LNPEP: variants seen among roughly 807,000 people sequenced by gnomAD.
LNPEP encodes leucyl and cystinyl aminopeptidase.
Under a neutral mutation model 120.6 loss-of-function variants are expected in LNPEP, and 64 were observed. The observed-to-expected ratio is 0.53, with a 90% CI of 0.43 to 0.65. LNPEP has a LOEUF of 0.65. Ranked by LOEUF, LNPEP falls within the 30% of genes least tolerant of loss-of-function variation. LNPEP has a pLI of 0.00. For missense variants in LNPEP, 1,057 were observed against 1,200.0 expected (o/e 0.88, Z 1.76); for synonymous variants, 435 against 425.4 (o/e 1.02, Z -0.28).
intron 16 of LNPEP, 72 bp downstream of exon 16, chr5:97,026,829 T>C: frequency 7.5e-7 from 1 of 1,337,904 alleles, no homozygotes; most frequent in Non-Finnish European, 1.0e-6. Context: ...CCCAGTGTTT[T>C]GGCTCACAGA....
At position 96,962,259 on chromosome 5, in the gene LNPEP, TA is replaced by T. The variant is rs1406770186; in HGVS notation, c.20-16876del. On this transcript the variant is annotated intron_variant, in intron 1 of 17. Transcript: ENST00000231368. ...TTATACCCAAAGTCTAAAAGGGTGT[TA>T]AAGGGGTATACGTACTGCAGTCAAA... Among the ~76,000 whole-genome samples, 4 of 152,134 alleles carry T rather than the reference TA, an allele frequency of 2.6e-5. 1 individual carries two copies. The highest frequency in any genetic ancestry group is 4.8e-5 in the African/African-American group (2 of 41,404).
intron 13 of LNPEP, among the ~76,000 whole-genome samples, chr5:97,016,161 T>A (rs569058062): frequency 6.6e-6 from 1 of 152,092 alleles, no homozygotes; most frequent in East Asian, 1.9e-4. Flanking sequence ...ATAAGCAAGA[T>A]GCTTAAGTTA....
In LNPEP at chr5:97,013,793, C is replaced by G; in HGVS notation, c.2181C>G (p.Asp727Glu). The G allele has an allele frequency of 5.0e-6, 8 of 1,606,164 alleles. No homozygotes were observed. Among genetic ancestry groups the G allele is most frequent in the Non-Finnish European group, 6.8e-6 (8 of 1,177,208 alleles). The change falls in exon 12 of 18, where the codon GAC becomes GAG. Residue 727 changes from aspartate to glutamate, a missense_variant. Physicochemically the swap from Asp to Glu is conservative, Grantham distance 45. Transcript: ENST00000231368. The stretch of plus-strand genomic sequence containing the variant: ...ATCCTTATGTTCTGAGTGACAAAGA[C>G]CGAGCCAACCTTATCAACAACATCT... ...KINPYVLSDK[D>E]RANLINNIFE...
intron 1 of LNPEP, among the ~76,000 whole-genome samples, chr5:96,943,474 A>G (rs766913035): frequency 1.3e-5 from 2 of 152,126 alleles, no homozygotes; most frequent in Non-Finnish European, 2.9e-5. Context: ...TTTTGTAGAG[A>G]TGGAGTTTTG....
chr5:97,008,268 G>A (rs17531164), intron 11 of LNPEP, among the ~76,000 whole-genome samples: 5,673 of 151,282 alleles, frequency 0.037, 182 homozygotes, highest in Middle Eastern at 0.11. Context: ...AAATAATTGG[G>A]CAATAAGAAA....
chr5:96,954,715 T>C (rs12652942), intron 1 of LNPEP, among the ~76,000 whole-genome samples: 37,210 of 94,516 alleles, frequency 0.39, 13,190 homozygotes, highest in East Asian at 0.55. Flanking sequence ...TATATACACA[T>C]ATATATACAT....
At chr5:97,000,323 A>G (rs1026749908) in intron 8 of LNPEP, among the ~76,000 whole-genome samples, 1 of 152,156 alleles carries the variant, frequency 6.6e-6, no homozygotes, top group East Asian at 1.9e-4. Flanking sequence ...TAACCAATGT[A>G]TAGTGCTTGT....
At chr5:96,947,959 T>C (rs1278764344) in intron 1 of LNPEP, among the ~76,000 whole-genome samples, 2 of 152,216 alleles carry the variant, frequency 1.3e-5, no homozygotes, top group Non-Finnish European at 2.9e-5. Context: ...CACATTACTT[T>C]AGTAATTTGT....
chr5:96,953,821 C>T (rs1789378688), intron 1 of LNPEP, among the ~76,000 whole-genome samples: 1 of 152,106 alleles, frequency 6.6e-6, no homozygotes, highest in Admixed American at 6.5e-5. Flanking sequence ...GTTTTTTACT[C>T]CAGATGTGTT....
intron 4 of LNPEP, among the ~76,000 whole-genome samples, chr5:96,989,308 G>T (rs173732): frequency 5.5e-5 from 3 of 54,196 alleles, no homozygotes; most frequent in Non-Finnish European, 9.9e-5. Context: ...ATAATATATT[G>T]TATATTATAT....
At chr5:96,995,964 A>G (rs1191894253) in intron 6 of LNPEP, 2 of 157,114 alleles carry the variant, frequency 1.3e-5, no homozygotes, top group Non-Finnish European at 2.8e-5. Flanking sequence ...GAGACTTTTT[A>G]GTTGTCATGG....
rs1790780622 is a variant in LNPEP, at chr5:97,006,280, TG to T, written c.1946+49del. ...ATGCCATCTCTTTTGCACTCTCAGG[TG>T]GAAATATTTTTAAGTGTTTTATAAT... On this transcript the variant is annotated intron_variant, in intron 10 of 17. Coordinates refer to ENST00000231368, the MANE Select transcript of LNPEP (RefSeq NM_005575.3). The T allele has an allele frequency of 4.0e-6, 6 of 1,500,896 alleles. No homozygotes were observed. The East Asian group carries it at 1.4e-4, about 34-fold the overall frequency. 93.0% of individuals were successfully genotyped at this position (1,500,896 alleles called of 1,614,324 possible).
At chr5:97,010,798 C>T in intron 11 of LNPEP, 1 of 985,372 alleles carries the variant, frequency 1.0e-6, no homozygotes, top group Non-Finnish European at 1.2e-6. Context: ...TAGCTTCATC[C>T]ACGTTTGAGC....
At chr5:96,982,481 T>C (rs891582560) in intron 2 of LNPEP, among the ~76,000 whole-genome samples, 13 of 152,248 alleles carry the variant, frequency 8.5e-5, no homozygotes, top group African/African-American at 2.9e-4. Context: ...ATAGTTATGA[T>C]TGGATCTCTT....
intron 1 of LNPEP, among the ~76,000 whole-genome samples, chr5:96,951,116 G>A (rs537407939): frequency 2.0e-5 from 3 of 152,250 alleles, no homozygotes; most frequent in South Asian, 2.1e-4. Flanking sequence ...TGGAGAGAGC[G>A]AGCTTTGCTG....
chr5:96,992,609 T>G (rs187708683), intron 4 of LNPEP, among the ~76,000 whole-genome samples: 18 of 152,188 alleles, frequency 1.2e-4, no homozygotes, highest in African/African-American at 4.3e-4. Flanking sequence ...AAAATTTAGT[T>G]TTGTCTTTCA....
chr5:96,953,085 C>G (rs951527762), intron 1 of LNPEP, among the ~76,000 whole-genome samples: 1 of 152,102 alleles, frequency 6.6e-6, no homozygotes, highest in African/African-American at 2.4e-5. Flanking sequence ...AGCTTTGCCC[C>G]GGGCCTAACC....
chr5:96,966,939 A>G (rs73135411), intron 1 of LNPEP, among the ~76,000 whole-genome samples: 5,977 of 152,158 alleles, frequency 0.039, 377 homozygotes, highest in African/African-American at 0.14. Context: ...TTAAAATATG[A>G]AAAGTCCAGA....
chr5:96,989,523 G>A (rs1371849835), intron 4 of LNPEP, among the ~76,000 whole-genome samples: 1 of 149,448 alleles, frequency 6.7e-6, no homozygotes, highest in Admixed American at 6.7e-5. Flanking sequence ...GAGCTGATCA[G>A]GGATCTTTCT....
Sources: allele counts gnomAD v4.1 joint callset (sites outside exome capture counted in the v4.1 genomes callset), GRCh38; gene constraint gnomAD v4.1.1; transcripts MANE v1.5; gene names NCBI Gene and HGNC (gene_info 2026-07-23, HGNC 2026-07-21).